Variants in SKAP1 observed in about 807,000 individuals in gnomAD.
SKAP1 encodes the protein src kinase-associated phosphoprotein 1.
Under a neutral mutation model 58.5 loss-of-function variants are expected in SKAP1, and 44 were observed. The observed-to-expected ratio is 0.75, with a 90% CI of 0.59 to 0.97. The LOEUF (loss-of-function observed/expected upper bound fraction) is 0.97, where lower values mean the gene tolerates loss of function less well. SKAP1 is among the 50% of genes least tolerant of loss of function. The pLI is 0.00. For synonymous variants in SKAP1, 127 were observed against 149.7 expected (o/e 0.85, Z 1.11); for missense variants, 390 against 435.2 (o/e 0.90, Z 0.92).
chr17:48,236,917 C>T (rs890351546), intron 4 of SKAP1, among the ~76,000 whole-genome samples: 2 of 152,104 alleles, frequency 1.3e-5, no homozygotes, highest in African/African-American at 4.8e-5. Context: ...AGGCACTGGG[C>T]CAAGCAATTC....
intron 4 of SKAP1, among the ~76,000 whole-genome samples, chr17:48,253,678 A>G (rs1598474513): frequency 6.6e-6 from 1 of 152,138 alleles, no homozygotes; most frequent in Non-Finnish European, 1.5e-5. Context: ...CTCTTCTTCT[A>G]TACGACTGTG....
At chr17:48,277,705 G>T (rs1205297169) in intron 4 of SKAP1, among the ~76,000 whole-genome samples, 1 of 152,162 alleles carries the variant, frequency 6.6e-6, no homozygotes, top group East Asian at 1.9e-4. Flanking sequence ...ACAGGGTCTT[G>T]CTCTGTTGCC....
At chr17:48,408,481 A>G (rs1217189087) in intron 1 of SKAP1, among the ~76,000 whole-genome samples, 1 of 152,194 alleles carries the variant, frequency 6.6e-6, no homozygotes, top group African/African-American at 2.4e-5. Flanking sequence ...AAGCTACCAT[A>G]ACCCTAGTTC....
chr17:48,359,399 C>T (rs371740354), intron 3 of SKAP1, among the ~76,000 whole-genome samples: 4 of 152,112 alleles, frequency 2.6e-5, no homozygotes, highest in African/African-American at 9.7e-5. Context: ...CCAGTAGTTT[C>T]CTAATAACAT....
At chr17:48,274,654 C>T (rs903847880) in intron 4 of SKAP1, among the ~76,000 whole-genome samples, 3 of 151,930 alleles carry the variant, frequency 2.0e-5, no homozygotes, top group Non-Finnish European at 2.9e-5. Flanking sequence ...TGAGATCGCA[C>T]CATTGCACTC....
At chr17:48,329,322 G>A (rs1598576218) in intron 4 of SKAP1, among the ~76,000 whole-genome samples, 1 of 152,190 alleles carries the variant, frequency 6.6e-6, no homozygotes, top group African/African-American at 2.4e-5. Context: ...TCAATTCATG[G>A]TAGCCATTAT....
chr17:48,379,024 T>G (rs1441100389), intron 2 of SKAP1, among the ~76,000 whole-genome samples: 1 of 151,794 alleles, frequency 6.6e-6, no homozygotes, highest in African/African-American at 2.4e-5. Flanking sequence ...TTCCTCTAAA[T>G]CACTCACACA....
chr17:48,274,655 C>T (rs1436194238), intron 4 of SKAP1, among the ~76,000 whole-genome samples: 2 of 151,646 alleles, frequency 1.3e-5, no homozygotes, highest in Non-Finnish European at 2.9e-5. Context: ...GAGATCGCAC[C>T]ATTGCACTCC....
At chr17:48,327,307 C>T (rs972820620) in intron 4 of SKAP1, among the ~76,000 whole-genome samples, 1 of 152,126 alleles carries the variant, frequency 6.6e-6, no homozygotes, top group Non-Finnish European at 1.5e-5. Flanking sequence ...ATGTATTTTC[C>T]AAAGTGATCA....
At chr17:48,176,936 GC>G in intron 9 of SKAP1, among the ~76,000 whole-genome samples, 2 of 152,264 alleles carry the variant, frequency 1.3e-5, no homozygotes, top group Admixed American at 1.3e-4. Context: ...GCTTGTGTGG[GC>G]CCCATCCCAA....
At chr17:48,357,136 C>T (rs1048147895) in intron 3 of SKAP1, among the ~76,000 whole-genome samples, 1 of 152,082 alleles carries the variant, frequency 6.6e-6, no homozygotes, top group African/African-American at 2.4e-5. Flanking sequence ...CATGAACATC[C>T]TTGTACATAA....
At chr17:48,266,426 G>A (rs1256851456) in intron 4 of SKAP1, among the ~76,000 whole-genome samples, 2 of 151,712 alleles carry the variant, frequency 1.3e-5, no homozygotes, top group African/African-American at 2.4e-5. Flanking sequence ...TATTGAAACC[G>A]TTAGTTCAAG....
chr17:48,153,024 GACACAC>G (rs10537609), intron 11 of SKAP1, among the ~76,000 whole-genome samples: 31 of 150,662 alleles, frequency 2.1e-4, no homozygotes, highest in Middle Eastern at 3.4e-3. Context: ...TGTGCACATG[GACACAC>G]ACACACACAC....
At chr17:48,207,374 T>G (rs2064822143) in intron 4 of SKAP1, among the ~76,000 whole-genome samples, 1 of 151,472 alleles carries the variant, frequency 6.6e-6, no homozygotes. Context: ...TAATCCCAGC[T>G]ACTCAGGAGG....
intron 4 of SKAP1, among the ~76,000 whole-genome samples, chr17:48,278,729 G>A (rs2065731343): frequency 6.6e-6 from 1 of 152,128 alleles, no homozygotes; most frequent in South Asian, 2.1e-4. Context: ...ATACTGGGCT[G>A]GGGTAAGAGA....
intron 11 of SKAP1, among the ~76,000 whole-genome samples, chr17:48,151,086 GAA>G (rs369278460): frequency 1.4e-3 from 183 of 130,376 alleles, no homozygotes; most frequent in Middle Eastern, 4.5e-3. Flanking sequence ...GACGCAGCAG[GAA>G]AAAAAAAAAA....
intron 4 of SKAP1, among the ~76,000 whole-genome samples, chr17:48,290,990 C>G (rs1024792450): frequency 6.6e-6 from 1 of 152,062 alleles, no homozygotes; most frequent in Non-Finnish European, 1.5e-5. Flanking sequence ...AAAAAATTAG[C>G]TGGCTGTGGT....
chr17:48,346,681 C>G (rs905797908), intron 3 of SKAP1, among the ~76,000 whole-genome samples: 1 of 152,010 alleles, frequency 6.6e-6, no homozygotes, highest in Admixed American at 6.6e-5. Flanking sequence ...TAATTACAAC[C>G]TTTACCCTGC....
At chr17:48,306,935 T>C (rs745371719) in intron 4 of SKAP1, among the ~76,000 whole-genome samples, 23 of 152,250 alleles carry the variant, frequency 1.5e-4, no homozygotes, top group Non-Finnish European at 3.2e-4. Context: ...ATATTAGATC[T>C]GATAGGGATT....
Sources: allele counts gnomAD v4.1 joint callset (sites outside exome capture counted in the v4.1 genomes callset), GRCh38; gene constraint gnomAD v4.1.1; transcripts MANE v1.5; gene names NCBI Gene and HGNC (gene_info 2026-07-23, HGNC 2026-07-21).